The following WWOX variants were observed in gnomAD, a reference collection of about 807,000 sequenced individuals.
The protein encoded by WWOX is WW domain-containing oxidoreductase.
WWOX carries 69 observed loss-of-function variants against 46.2 expected under a neutral mutation model. The observed-to-expected ratio is 1.49, with a 90% CI of 1.23 to 1.82. The LOEUF is 1.82. Among genes scored for constraint, WWOX ranks in the 40% most tolerant of loss-of-function variants. The pLI is 0.00. For synonymous variants in WWOX, 359 were observed against 202.6 expected (o/e 1.77, Z -6.56); for missense variants, 919 against 542.6 (o/e 1.69, Z -6.89).
intron 8 of WWOX, among the ~76,000 whole-genome samples, chr16:79,022,909 C>G (rs2047563162): frequency 6.6e-6 from 1 of 152,176 alleles, no homozygotes; most frequent in Non-Finnish European, 1.5e-5. Context: ...CCCTGAGCAT[C>G]AGTTTACTCA....
rs2550692 is a variant in WWOX, at chr16:79,035,464, G to T, written c.1057-176144G>T. 2.0e-5 allele frequency among the ~76,000 whole-genome samples: 3 copies of T among 152,128 alleles called. No homozygotes were observed. In the South Asian group the frequency reaches 6.2e-4, roughly 32 times the overall value. On this transcript the variant is annotated intron_variant, in intron 8 of 8. Transcript: ENST00000566780. Reference sequence around the variant, plus strand: ...TGTGATTTACCCATAAGTGGAAGGTGTACTCCGGCTGCTCCTTTAATATTT... The same window carrying T: ...TGTGATTTACCCATAAGTGGAAGGTTTACTCCGGCTGCTCCTTTAATATTT...
intron 8 of WWOX, among the ~76,000 whole-genome samples, chr16:78,439,845 G>C (rs892587219): frequency 1.3e-5 from 2 of 152,202 alleles, no homozygotes; most frequent in Non-Finnish European, 2.9e-5. Context: ...TTACAAGATG[G>C]CTTCTGTGGT....
chr16:79,033,764 G>A (rs2047812368), intron 8 of WWOX, among the ~76,000 whole-genome samples: 1 of 152,156 alleles, frequency 6.6e-6, no homozygotes, highest in Non-Finnish European at 1.5e-5. Context: ...CCCCTACTTT[G>A]TCTATGAATT....
intron 5 of WWOX, among the ~76,000 whole-genome samples, chr16:78,334,811 CACACACACACACACACACACAT>C (rs879274898): frequency 0.058 from 4,552 of 78,960 alleles, 198 homozygotes; most frequent in African/African-American, 0.15. Flanking sequence ...CACACACGCA[CACACACACACACACACACACAT>C]ACACACACAC....
chr16:78,264,582 A>T (rs898614820), intron 5 of WWOX: 4 of 152,222 alleles, frequency 2.6e-5, no homozygotes, highest in African/African-American at 9.7e-5. Context: ...CGTATATGAG[A>T]TTCCTCTTGC....
intron 8 of WWOX, among the ~76,000 whole-genome samples, chr16:79,014,213 G>A (rs1033096495): frequency 8.5e-5 from 13 of 152,148 alleles, no homozygotes; most frequent in East Asian, 3.9e-4. Context: ...ACATCTTCCC[G>A]AGATGGTGGT....
intron 8 of WWOX, among the ~76,000 whole-genome samples, chr16:79,131,876 C>T (rs2049885329): frequency 6.6e-6 from 1 of 152,212 alleles, no homozygotes; most frequent in African/African-American, 2.4e-5. Flanking sequence ...AGGAGCAAGT[C>T]ACGTCTTACA....
chr16:78,585,061 A>G (rs761357079), intron 8 of WWOX, among the ~76,000 whole-genome samples: 38 of 152,188 alleles, frequency 2.5e-4, no homozygotes, highest in Non-Finnish European at 4.9e-4. Flanking sequence ...GGCCTGTTCA[A>G]AGGCAGTTAC....
At chr16:78,121,707 G>A (rs1463641578) in intron 4 of WWOX, among the ~76,000 whole-genome samples, 1 of 151,784 alleles carries the variant, frequency 6.6e-6, no homozygotes, top group Non-Finnish European at 1.5e-5. Flanking sequence ...TGTTGCGCAG[G>A]CTGGAGTACA....
At chr16:79,119,475 C>G (rs1231861644) in intron 8 of WWOX, among the ~76,000 whole-genome samples, 2 of 152,204 alleles carry the variant, frequency 1.3e-5, no homozygotes, top group South Asian at 2.1e-4. Flanking sequence ...CTCCATGAGT[C>G]TGACACTTTG....
chr16:78,422,326 T>C (rs930102750), intron 6 of WWOX, among the ~76,000 whole-genome samples: 1 of 151,932 alleles, frequency 6.6e-6, no homozygotes, highest in Admixed American at 6.6e-5. Context: ...TTTAAAAACT[T>C]GTACGTCTTA....
At chr16:79,156,541 A>G (rs1032948673) in intron 8 of WWOX, among the ~76,000 whole-genome samples, 4 of 152,194 alleles carry the variant, frequency 2.6e-5, no homozygotes, top group African/African-American at 9.7e-5. Flanking sequence ...GTTGGAAGGA[A>G]AATTAGGAAT....
intron 8 of WWOX, among the ~76,000 whole-genome samples, chr16:78,711,266 A>G (rs983608308): frequency 7.9e-5 from 12 of 152,222 alleles, no homozygotes; most frequent in Admixed American, 3.3e-4. Context: ...GGATGTATAT[A>G]TACGTTAAAA....
At chr16:79,069,368 A>C (rs567374854) in intron 8 of WWOX, among the ~76,000 whole-genome samples, 4 of 152,186 alleles carry the variant, frequency 2.6e-5, no homozygotes, top group Non-Finnish European at 5.9e-5. Flanking sequence ...TTGGGAACAA[A>C]TTCAAAACAG....
intron 8 of WWOX, among the ~76,000 whole-genome samples, chr16:78,770,043 TTAAG>T: frequency 6.6e-6 from 1 of 150,402 alleles, no homozygotes; most frequent in East Asian, 2.0e-4. Context: ...GACCGTGTCT[TTAAG>T]TAAAATAAAA....
intron 8 of WWOX, among the ~76,000 whole-genome samples, chr16:79,144,793 C>T (rs965300065): frequency 1.3e-5 from 2 of 152,102 alleles, no homozygotes; most frequent in Non-Finnish European, 2.9e-5. Flanking sequence ...ATATTACTTA[C>T]AATATGATAT....
At chr16:79,109,975 A>C (rs920268082) in intron 8 of WWOX, among the ~76,000 whole-genome samples, 1 of 152,174 alleles carries the variant, frequency 6.6e-6, no homozygotes, top group Non-Finnish European at 1.5e-5. Context: ...CCAACCCTCC[A>C]AATCAAGAGT....
At chr16:78,356,071 TAAAAAAAAAAAAAAA>T (rs61113878) in intron 5 of WWOX, among the ~76,000 whole-genome samples, 2 of 76,124 alleles carry the variant, frequency 2.6e-5, no homozygotes, top group African/African-American at 9.3e-5. Context: ...TTTTTTTTCC[TAAAAAAAAAAAAAAA>T]AAAAAAAGAA....
chr16:78,623,183 C>A (rs372532350), intron 8 of WWOX, among the ~76,000 whole-genome samples: 3 of 151,582 alleles, frequency 2.0e-5, no homozygotes, highest in Non-Finnish European at 4.4e-5. Flanking sequence ...AGACTCCTAT[C>A]CTATGGAAGC....
Sources: allele counts gnomAD v4.1 joint callset (sites outside exome capture counted in the v4.1 genomes callset), GRCh38; gene constraint gnomAD v4.1.1; transcripts MANE v1.5; gene names NCBI Gene and HGNC (gene_info 2026-07-23, HGNC 2026-07-21).